The following ADAMTSL1 variants were observed in gnomAD, a reference collection of about 807,000 sequenced individuals.
ADAMTSL1 encodes the protein ADAMTS-like protein 1.
A neutral mutation model predicts 201.8 loss-of-function variants in ADAMTSL1; 126 were observed. The ratio of observed to expected loss-of-function variants is 0.62; its 90% CI spans 0.54 to 0.72. The LOEUF (loss-of-function observed/expected upper bound fraction) is 0.72. Among genes scored for constraint, ADAMTSL1 ranks in the 30% least tolerant of loss-of-function variants. The pLI, the probability that ADAMTSL1 is intolerant of heterozygous loss-of-function variation, is 0.00. For synonymous variants in ADAMTSL1, 1,121 were observed against 903.4 expected, an observed-to-expected ratio of 1.24 and a Z score of -4.32; for missense variants, 2,679 against 2,277.8, an observed-to-expected ratio of 1.18 and a Z score of -3.59.
chr9:18,058,493 A>T (rs1822296899), intron 1 of ADAMTSL1, among the ~76,000 whole-genome samples: 1 of 152,214 alleles, frequency 6.6e-6, no homozygotes, highest in Non-Finnish European at 1.5e-5. Flanking sequence ...ACATTTCAGA[A>T]TATCATGCAC....
rs927529619 is a variant in ADAMTSL1 at position 18,676,008 on chromosome 9, A to C, written c.1136+101A>C. 12 of 1,180,312 alleles carry C rather than the reference A, an allele frequency of 1.0e-5. No homozygotes were observed. In the Admixed American group the frequency reaches 1.3e-4, roughly 13 times the overall value. The allele number at this position is 1,180,312 out of a possible 1,614,324, so 73.1% of individuals were successfully genotyped here. On this transcript the variant is annotated intron_variant, in intron 10 of 28. Transcript: ENST00000380548. ...ACATATACATAGAGAGAGAGATTAT[A>C]TGTTTTTAAGATGGTAGATGGTATA...
intron 2 of ADAMTSL1, among the ~76,000 whole-genome samples, chr9:18,232,975 A>T (rs1830700228): frequency 6.6e-6 from 1 of 152,238 alleles, no homozygotes; most frequent in African/African-American, 2.4e-5. Context: ...AAAATTGTAC[A>T]GTACTTTAGA....
At chr9:18,570,741 C>A (rs1477099820) in intron 3 of ADAMTSL1, among the ~76,000 whole-genome samples, 1 of 152,216 alleles carries the variant, frequency 6.6e-6, no homozygotes, top group Non-Finnish European at 1.5e-5. Context: ...CAACTCTGAA[C>A]TCCAGGTTTA....
intron 2 of ADAMTSL1, among the ~76,000 whole-genome samples, chr9:18,306,078 A>G (rs1449709649): frequency 3.3e-5 from 5 of 151,846 alleles, no homozygotes; most frequent in African/African-American, 1.2e-4. Flanking sequence ...GGCATGGAGT[A>G]TCCAGCAGAC....
chr9:18,737,506 T>G (rs920030386), intron 15 of ADAMTSL1, among the ~76,000 whole-genome samples: 3 of 152,106 alleles, frequency 2.0e-5, no homozygotes, highest in African/African-American at 7.2e-5. Flanking sequence ...ACTTGGTGCA[T>G]GTCAAACTCT....
chr9:18,236,512 G>A (rs1052352152), intron 2 of ADAMTSL1, among the ~76,000 whole-genome samples: 11 of 152,230 alleles, frequency 7.2e-5, no homozygotes, highest in African/African-American at 2.7e-4. Flanking sequence ...TTCATCTGCA[G>A]TAGTACATAA....
At chr9:18,522,927 A>G (rs553086824) in intron 2 of ADAMTSL1, among the ~76,000 whole-genome samples, 114 of 152,302 alleles carry the variant, frequency 7.5e-4, no homozygotes, top group Middle Eastern at 6.8e-3. Flanking sequence ...TTATAGCAGT[A>G]TGATTTATAA....
At chr9:18,213,658 G>A (rs769936217) in intron 2 of ADAMTSL1, among the ~76,000 whole-genome samples, 5 of 152,074 alleles carry the variant, frequency 3.3e-5, no homozygotes, top group Non-Finnish European at 5.9e-5. Context: ...GGGAATTGAC[G>A]GTTTTCAAGA....
chr9:18,055,115 G>C (rs1016834784), intron 1 of ADAMTSL1, among the ~76,000 whole-genome samples: 7 of 152,184 alleles, frequency 4.6e-5, no homozygotes, highest in Non-Finnish European at 1.0e-4. Flanking sequence ...TCTGCTGAGT[G>C]ATTTTCCTAA....
intron 2 of ADAMTSL1, among the ~76,000 whole-genome samples, chr9:18,165,874 C>A (rs1185622709): frequency 6.6e-6 from 1 of 151,866 alleles, no homozygotes; most frequent in African/African-American, 2.4e-5. Flanking sequence ...CCGTAATCTC[C>A]GTTTGTCAAG....
At chr9:18,692,354 G>A (rs1182935473) in intron 13 of ADAMTSL1, among the ~76,000 whole-genome samples, 1 of 152,182 alleles carries the variant, frequency 6.6e-6, no homozygotes, top group Non-Finnish European at 1.5e-5. Context: ...AGCAGATAGA[G>A]CCGTTTTTTT....
intron 1 of ADAMTSL1, among the ~76,000 whole-genome samples, chr9:18,002,184 A>G (rs1819638804): frequency 6.6e-6 from 1 of 152,086 alleles, no homozygotes; most frequent in Non-Finnish European, 1.5e-5. Flanking sequence ...AGAGATCAGA[A>G]CATAAGAATA....
intron 2 of ADAMTSL1, among the ~76,000 whole-genome samples, chr9:18,269,998 T>C (rs1363364373): frequency 2.6e-5 from 4 of 152,142 alleles, no homozygotes; most frequent in African/African-American, 4.8e-5. Flanking sequence ...ATGCCGTCTC[T>C]ACAAGACTCC....
intron 2 of ADAMTSL1, among the ~76,000 whole-genome samples, chr9:18,426,970 C>G (rs575883946): frequency 6.6e-6 from 1 of 152,102 alleles, no homozygotes; most frequent in Non-Finnish European, 1.5e-5. Flanking sequence ...GTAGTATCTT[C>G]GAAACATTTT....
chr9:18,127,544 G>A (rs79183806), intron 1 of ADAMTSL1, among the ~76,000 whole-genome samples: 8,259 of 150,944 alleles, frequency 0.055, 308 homozygotes, highest in Non-Finnish European at 0.081. Flanking sequence ...AATAGAAGGA[G>A]AATACTAACA....
chr9:18,792,656 G>A (rs1000779991), intron 19 of ADAMTSL1, among the ~76,000 whole-genome samples: 1 of 152,148 alleles, frequency 6.6e-6, no homozygotes, highest in African/African-American at 2.4e-5. Flanking sequence ...GAATTTTTGT[G>A]AAAGCATAAA....
At chr9:18,228,395 A>C (rs1830509884) in intron 2 of ADAMTSL1, among the ~76,000 whole-genome samples, 1 of 152,094 alleles carries the variant, frequency 6.6e-6, no homozygotes, top group Non-Finnish European at 1.5e-5. Context: ...GTTCTCATAC[A>C]AAGGTAAATT....
intron 18 of ADAMTSL1, 54 bp from the exon 19 acceptor site, chr9:18,776,727 G>C: frequency 6.7e-7 from 1 of 1,484,066 alleles, no homozygotes; most frequent in Non-Finnish European, 8.9e-7. Context: ...CTCACTCTGG[G>C]TTTTCTCTCT....
intron 2 of ADAMTSL1, among the ~76,000 whole-genome samples, chr9:18,377,063 G>C (rs759191762): frequency 6.6e-6 from 1 of 152,206 alleles, no homozygotes; most frequent in Non-Finnish European, 1.5e-5. Context: ...GCCTGATAGA[G>C]TTTTCTTCAA....
Sources: gnomAD v4.1 joint callset for allele counts (sites outside exome capture counted in the v4.1 genomes callset) on GRCh38, gnomAD v4.1.1 for gene constraint, MANE v1.5 for transcripts, NCBI Gene and HGNC (gene_info 2026-07-23, HGNC 2026-07-21) for gene names.